GSDMC: variants seen among roughly 807,000 people sequenced by gnomAD.
The protein encoded by GSDMC is gasdermin-C.
A neutral mutation model predicts 58.0 loss-of-function variants in GSDMC; 59 were observed. The observed-to-expected ratio is 1.02, with a 90% CI of 0.82 to 1.26. The LOEUF (loss-of-function observed/expected upper bound fraction) is 1.26. Among genes scored for constraint, GSDMC ranks in the 50% most tolerant of loss-of-function variants. The probability of loss-of-function intolerance (pLI) is 0.00; values close to 1 mark genes in which losing one functional copy is unlikely to be tolerated. For missense variants in GSDMC, 659 were observed against 598.5 expected (o/e 1.10, Z -1.06); for synonymous variants, 241 against 220.2 (o/e 1.09, Z -0.83).
At chr8:129,769,118 A>AGAGGAGAGGAGAGGAGAGG (rs1563805770) in intron 3 of GSDMC, among the ~76,000 whole-genome samples, 2 of 152,034 alleles carry the variant, frequency 1.3e-5, no homozygotes, top group African/African-American at 4.8e-5. Context: ...AGAGGAGAGG[A>AGAGGAGAGGAGAGGAGAGG]AAAAATGGAA....
chr8:129,717,761 C>A, the GSDMC span, among the ~76,000 whole-genome samples: 2 of 152,166 alleles, frequency 1.3e-5, no homozygotes, highest in African/African-American at 4.8e-5. Flanking sequence ...TGCTACCTGA[C>A]TTCAAACTAC....
intron 1 of GSDMC, among the ~76,000 whole-genome samples, chr8:129,785,808 T>G (rs1255224157): frequency 1.3e-5 from 2 of 151,998 alleles, no homozygotes; most frequent in Non-Finnish European, 2.9e-5. Flanking sequence ...ACTGGACCTG[T>G]GCAATAATGT....
At chr8:129,706,377 T>A in the GSDMC span, among the ~76,000 whole-genome samples, 1 of 152,166 alleles carries the variant, frequency 6.6e-6, no homozygotes, top group African/African-American at 2.4e-5. Flanking sequence ...AAAAACATGA[T>A]CTCAGAAGAA....
At chr8:129,732,184 G>A in the GSDMC span, among the ~76,000 whole-genome samples, 3 of 152,024 alleles carry the variant, frequency 2.0e-5, no homozygotes, top group African/African-American at 7.3e-5. Context: ...CTTTCTGTAT[G>A]TGAGAACACA....
the GSDMC span, among the ~76,000 whole-genome samples, chr8:129,717,697 G>T: frequency 6.6e-6 from 1 of 152,220 alleles, no homozygotes; most frequent in South Asian, 2.1e-4. Context: ...AACCAAAAAA[G>T]AGACCATATA....
At chr8:129,767,634 G>A (rs2033910100) in intron 3 of GSDMC, among the ~76,000 whole-genome samples, 2 of 152,042 alleles carry the variant, frequency 1.3e-5, no homozygotes, top group Non-Finnish European at 2.9e-5. Context: ...AGCCCTACCT[G>A]GATCAAGTTC....
the GSDMC span, chr8:129,706,740 A>C: frequency 1.3e-5 from 2 of 152,220 alleles, no homozygotes. Flanking sequence ...ATATCAGTTA[A>C]AACTCATGAG....
intron 6 of GSDMC, among the ~76,000 whole-genome samples, chr8:129,758,979 G>C (rs1224293515): frequency 6.6e-6 from 1 of 152,136 alleles, no homozygotes; most frequent in Non-Finnish European, 1.5e-5. Context: ...CAGAGCTATA[G>C]TAACCAAAAC....
chr8:129,759,271 A>G (rs1170757024), intron 6 of GSDMC, among the ~76,000 whole-genome samples: 1 of 152,176 alleles, frequency 6.6e-6, no homozygotes, highest in South Asian at 2.1e-4. Context: ...AAAATAAAAC[A>G]TTAAGAAAAC....
chr8:129,784,513 T>A (rs933594149), intron 1 of GSDMC, among the ~76,000 whole-genome samples: 2 of 152,140 alleles, frequency 1.3e-5, no homozygotes, highest in Non-Finnish European at 2.9e-5. Flanking sequence ...TTATTAGTTA[T>A]CAGAAAAATG....
the GSDMC span, among the ~76,000 whole-genome samples, chr8:129,725,567 TTCTTC>T: frequency 6.6e-6 from 1 of 152,294 alleles, no homozygotes; most frequent in Admixed American, 6.5e-5. Context: ...GAAAATCATA[TTCTTC>T]TCTTCTTTCC....
chr8:129,729,471 C>A, the GSDMC span, among the ~76,000 whole-genome samples: 3 of 152,098 alleles, frequency 2.0e-5, no homozygotes, highest in East Asian at 3.9e-4. Flanking sequence ...TTCTCCCACC[C>A]CACAACAGGC....
At chr8:129,784,470 A>T (rs2034501167) in intron 1 of GSDMC, among the ~76,000 whole-genome samples, 1 of 152,212 alleles carries the variant, frequency 6.6e-6, no homozygotes, top group Non-Finnish European at 1.5e-5. Context: ...ATACATACAA[A>T]TGAAAAAAAG....
At chr8:129,755,274 T>C (rs564811418) in intron 6 of GSDMC, among the ~76,000 whole-genome samples, 1 of 152,298 alleles carries the variant, frequency 6.6e-6, no homozygotes, top group South Asian at 2.1e-4. Context: ...CAGCAGACTT[T>C]TCACTGGAAA....
At chr8:129,754,740 C>A (rs779964126) in intron 6 of GSDMC, among the ~76,000 whole-genome samples, 1 of 152,118 alleles carries the variant, frequency 6.6e-6, no homozygotes, top group Non-Finnish European at 1.5e-5. Flanking sequence ...AGAATTCTAT[C>A]AGGCACATTT....
intron 3 of GSDMC, among the ~76,000 whole-genome samples, chr8:129,768,717 A>G (rs1435366368): frequency 2.7e-5 from 4 of 148,850 alleles, no homozygotes. Context: ...ATGGGACACC[A>G]TCAAGTGAAA....
the GSDMC span, among the ~76,000 whole-genome samples, chr8:129,726,999 T>TACACACACAC: frequency 1.8e-4 from 17 of 93,016 alleles, no homozygotes; most frequent in African/African-American, 3.3e-4. Context: ...CCAATACACA[T>TACACACACAC]ACACACACAC....
At chr8:129,774,692 T>C (rs10096701) in intron 3 of GSDMC, among the ~76,000 whole-genome samples, 22,983 of 152,062 alleles carry the variant, frequency 0.15, 1,817 homozygotes, top group South Asian at 0.22. Context: ...ATCTAAAATA[T>C]ATAAGGAACT....
intron 3 of GSDMC, among the ~76,000 whole-genome samples, chr8:129,774,708 G>A (rs1198789840): frequency 2.6e-5 from 4 of 151,890 alleles, no homozygotes; most frequent in East Asian, 1.9e-4. Flanking sequence ...GAACTCATAC[G>A]GCTAAATTGC....
Sources: gnomAD v4.1 joint callset for allele counts (sites outside exome capture counted in the v4.1 genomes callset) on GRCh38, gnomAD v4.1.1 for gene constraint, MANE v1.5 for transcripts, NCBI Gene and HGNC (gene_info 2026-07-23, HGNC 2026-07-21) for gene names.